DNAJC10: variants seen among roughly 807,000 people sequenced by gnomAD.
The protein encoded by DNAJC10 is endoplasmic reticulum disulfide reductase DNAJC10.
DNAJC10 carries 101 observed loss-of-function variants against 115.0 expected under a neutral mutation model. The observed-to-expected ratio is 0.88, with a 90% CI of 0.75 to 1.04. The LOEUF is 1.04. Among genes scored for constraint, DNAJC10 ranks in the 50% least tolerant of loss-of-function variants. DNAJC10 has a pLI of 0.00. For missense variants in DNAJC10, 981 were observed against 928.8 expected (o/e 1.06, Z -0.73); for synonymous variants, 307 against 301.5 (o/e 1.02, Z -0.19).
At chr2:182,757,919 A>G (rs1694198387) in intron 19 of DNAJC10, 94 bp downstream of exon 19, 2 of 730,372 alleles carry the variant, frequency 2.7e-6, no homozygotes, top group Non-Finnish European at 4.1e-6. Context: ...AGTTAACCCA[A>G]CAAATATTTA....
chr2:182,750,699 G>GT (rs1243804375), intron 14 of DNAJC10, among the ~76,000 whole-genome samples: 2 of 152,112 alleles, frequency 1.3e-5, no homozygotes, highest in Non-Finnish European at 2.9e-5. Flanking sequence ...GTGTTACAAT[G>GT]TACTGAATAC....
At chr2:182,775,124 A>G (rs1034728929) in intron 22 of DNAJC10, among the ~76,000 whole-genome samples, 192 bp from the exon 23 acceptor site, 2 of 140,146 alleles carry the variant, frequency 1.4e-5, no homozygotes, top group African/African-American at 5.4e-5. Context: ...CACTATTATT[A>G]GTATTTATTT....
At position 182,740,310 on chromosome 2, in the gene DNAJC10, A is replaced by G. The variant is rs767379747; in HGVS notation, c.999A>G (p.Ser333=). Residue 333 remains serine, a synonymous_variant, in exon 12 of 24, where the codon TCA becomes TCG. Coordinates refer to ENST00000264065, the MANE Select transcript of DNAJC10 (RefSeq NM_018981.4). ...KEKNSILFLN[S]LDAKEIYLEV... is the part of the protein sequence containing the mutation. ...TTTTCTTTTTCTAGTTTCTCAACTC[A>G]TTGGATGCTAAAGAAATATATTTGG... 1.3e-6 allele frequency: 2 copies of G among 1,482,400 alleles called. No homozygotes were observed. Among genetic ancestry groups the G allele is most frequent in the South Asian group, 1.3e-5 (1 of 74,096 alleles). The allele number at this position is 1,482,400 out of a possible 1,614,324, so 91.8% of individuals were successfully genotyped here.
intron 17 of DNAJC10, among the ~76,000 whole-genome samples, chr2:182,755,396 A>G (rs1300765378): frequency 6.7e-6 from 1 of 148,854 alleles, no homozygotes; most frequent in Non-Finnish European, 1.5e-5. Flanking sequence ...ACCCCTTTGC[A>G]CTGTTTTCTC....
rs376345220 is a variant in DNAJC10 at position 182,719,996 on chromosome 2, T to C, written c.205-11T>C. On this transcript the variant is annotated splice_polypyrimidine_tract_variant and intron_variant, in intron 3 of 23. Transcript: ENST00000264065. ...TGAAATAATTGTATTATATCTAATATTTTTTAACAGAATAACCCAAATGCA... is the reference window on the plus strand; with the variant it reads ...TGAAATAATTGTATTATATCTAATACTTTTTAACAGAATAACCCAAATGCA... 3.5e-5 allele frequency: 49 copies of C among 1,416,100 alleles called. No individual in the cohort carries two copies. The highest frequency in any genetic ancestry group is 4.4e-5 in the Non-Finnish European group (45 of 1,021,052). The allele number at this position is 1,416,100 out of a possible 1,614,324, so 87.7% of individuals were successfully genotyped here.
chr2:182,744,179 T>G (rs1693806113), intron 14 of DNAJC10, among the ~76,000 whole-genome samples: 1 of 152,214 alleles, frequency 6.6e-6, no homozygotes, highest in Non-Finnish European at 1.5e-5. Context: ...TGCATTCATG[T>G]GAGTGCAGTC....
intron 6 of DNAJC10, 65 bp downstream of exon 6, chr2:182,728,723 AAT>A: frequency 6.8e-7 from 1 of 1,475,308 alleles, no homozygotes; most frequent in Non-Finnish European, 9.2e-7. Context: ...TATATGTTAG[AAT>A]TTTTTTTTCT....
intron 14 of DNAJC10, among the ~76,000 whole-genome samples, chr2:182,745,395 C>T (rs1693835579): frequency 6.6e-6 from 1 of 152,226 alleles, no homozygotes; most frequent in South Asian, 2.1e-4. Flanking sequence ...GCATTATAAT[C>T]ACTCCTTCCT....
At chr2:182,742,141 A>AT (rs1693752683) in intron 13 of DNAJC10, among the ~76,000 whole-genome samples, 1 of 151,974 alleles carries the variant, frequency 6.6e-6, no homozygotes, top group African/African-American at 2.4e-5. Context: ...TGTTTCCTTT[A>AT]TTTTTTATAT....
chr2:182,743,363 T>C (rs1227029695), intron 13 of DNAJC10, among the ~76,000 whole-genome samples: 1 of 152,218 alleles, frequency 6.6e-6, no homozygotes, highest in Non-Finnish European at 1.5e-5. Context: ...TAACTTCATA[T>C]TTTCTTGGGA....
At chr2:182,750,193 C>T (rs762593073) in intron 14 of DNAJC10, among the ~76,000 whole-genome samples, 1 of 152,050 alleles carries the variant, frequency 6.6e-6, no homozygotes, top group African/African-American at 2.4e-5. Flanking sequence ...TCTGACTTGA[C>T]GAAATTGCAG....
rs1201385062 is a variant in DNAJC10 at position 182,741,256 on chromosome 2, A to G, written c.1091A>G (p.His364Arg). Residue 364 changes from histidine to arginine, a missense_variant, in exon 13 of 24, where the codon CAT (histidine) becomes CGT (arginine). His to Arg is a conservative substitution (Grantham distance 29, BLOSUM62 0). Transcript: ENST00000264065. ...ATCACTTTTAAGGATCGTTTGGCTC[A>G]TCATCGGTGGCTGTTATTTTTTCAT... Reference protein sequence around the residue: ...SANTLEDRLAHHRWLLFFHFG... With the variant: ...SANTLEDRLARHRWLLFFHFG... 4 of 1,603,770 alleles carry G rather than the reference A, an allele frequency of 2.5e-6. No homozygotes were observed. The highest frequency in any genetic ancestry group is 3.4e-6 in the Non-Finnish European group (4 of 1,175,850).
intron 10 of DNAJC10, among the ~76,000 whole-genome samples, chr2:182,734,289 G>A (rs1693529811): frequency 6.6e-6 from 1 of 151,032 alleles, no homozygotes; most frequent in East Asian, 1.9e-4. Context: ...TATATATATA[G>A]TATTTTGATT....
At chr2:182,752,370 T>C (rs970375437) in intron 16 of DNAJC10, among the ~76,000 whole-genome samples, 182 bp downstream of exon 16, 3 of 152,212 alleles carry the variant, frequency 2.0e-5, no homozygotes, top group African/African-American at 7.2e-5. Context: ...GATTAAACCA[T>C]GCATAGCTAA....
At position 182,756,812 on chromosome 2, in the gene DNAJC10, T is replaced by C. The variant is rs1438980441; in HGVS notation, c.1809+343T>C. ...TGCCACCACGCCTAGCTAATTTTTG[T>C]ATTTTTAGTAGAAACAGGGTTTTGC... On this transcript the variant is annotated intron_variant, in intron 18 of 23. Coordinates refer to ENST00000264065, the MANE Select transcript of DNAJC10 (RefSeq NM_018981.4). Among the ~76,000 whole-genome samples, 4 of 152,172 alleles carry C rather than the reference T, an allele frequency of 2.6e-5. No individual in the cohort carries two copies. The East Asian group carries it at 7.7e-4, about 29-fold the overall frequency.
At chr2:182,728,313 C>T (rs1171131922) in intron 5 of DNAJC10, among the ~76,000 whole-genome samples, 1 of 152,044 alleles carries the variant, frequency 6.6e-6, no homozygotes, top group Non-Finnish European at 1.5e-5. Flanking sequence ...GCTTCTTTTT[C>T]AAGTATGGGC....
At chr2:182,726,407 A>C (rs1693284081) in intron 5 of DNAJC10, among the ~76,000 whole-genome samples, 1 of 152,158 alleles carries the variant, frequency 6.6e-6, no homozygotes, top group Admixed American at 6.5e-5. Flanking sequence ...CCTGTAAACA[A>C]TGTTGATATG....
At chr2:182,728,274 T>C (rs1693342954) in intron 5 of DNAJC10, among the ~76,000 whole-genome samples, 1 of 152,202 alleles carries the variant, frequency 6.6e-6, no homozygotes, top group African/African-American at 2.4e-5. Flanking sequence ...TACAACTTTA[T>C]GGCCATATTT....
intron 14 of DNAJC10, among the ~76,000 whole-genome samples, chr2:182,745,645 CATTG>C (rs1474219977): frequency 6.6e-6 from 1 of 150,940 alleles, no homozygotes; most frequent in African/African-American, 2.4e-5. Flanking sequence ...ATACAAAGAA[CATTG>C]TGGACTATTA....
Sources: gnomAD v4.1 joint callset for allele counts (sites outside exome capture counted in the v4.1 genomes callset) on GRCh38, gnomAD v4.1.1 for gene constraint, MANE v1.5 for transcripts, NCBI Gene and HGNC (gene_info 2026-07-23, HGNC 2026-07-21) for gene names.